Variants in ZFAND3 observed in about 807,000 individuals in gnomAD.
ZFAND3 encodes the protein AN1-type zinc finger protein 3.
A neutral mutation model predicts 29.6 loss-of-function variants in ZFAND3; 10 were observed. The observed-to-expected ratio is 0.34, with a 90% CI of 0.21 to 0.57. The LOEUF (loss-of-function observed/expected upper bound fraction) is 0.57, where lower values mean the gene tolerates loss of function less well. Among genes scored for constraint, ZFAND3 ranks in the 20% least tolerant of loss-of-function variants. The probability of loss-of-function intolerance (pLI) is 0.86; values close to 1 mark genes in which losing one functional copy is unlikely to be tolerated. For synonymous variants in ZFAND3, 128 were observed against 112.6 expected (o/e 1.14, Z -0.87); for missense variants, 230 against 304.5 (o/e 0.76, Z 1.82).
At chr6:38,047,321 A>T (rs911667784) in intron 2 of ZFAND3, among the ~76,000 whole-genome samples, 1 of 150,730 alleles carries the variant, frequency 6.6e-6, no homozygotes, top group African/African-American at 2.4e-5. Context: ...TCTCAAAAAA[A>T]AAAAAAAGAA....
chr6:38,042,815 T>G (rs1399966571), intron 2 of ZFAND3, among the ~76,000 whole-genome samples: 1 of 152,196 alleles, frequency 6.6e-6, no homozygotes, highest in Admixed American at 6.5e-5. Flanking sequence ...AAATAGATCA[T>G]TTATATTAAG....
At chr6:37,939,619 A>G (rs1360385819) in intron 2 of ZFAND3, among the ~76,000 whole-genome samples, 14 of 152,178 alleles carry the variant, frequency 9.2e-5, no homozygotes, top group Admixed American at 9.2e-4. Flanking sequence ...AGAGATGTGC[A>G]CTCAAATTTT....
chr6:38,152,901 T>G lies in ZFAND3; in HGVS notation c.*512T>G. 1 of 985,930 alleles carries G rather than the reference T, an allele frequency of 1.0e-6. No individual in the cohort carries two copies. The highest frequency in any genetic ancestry group is 1.2e-6 in the Non-Finnish European group (1 of 829,984). 61.1% of individuals were successfully genotyped at this position (985,930 alleles called of 1,614,324 possible). A position where few individuals can be genotyped will look rare whatever the true frequency, so the allele number is the denominator to read the frequency against. ...CTTGGCCACGGGAGGCTGCTGAGAT[T>G]GGCCACGTGGCTGGGCTGGGTGGTG... is the stretch of plus-strand genomic sequence containing the variant. On this transcript the variant is annotated 3_prime_UTR_variant, in exon 6 of 6. Transcript: ENST00000287218.
At chr6:37,851,379 G>A (rs1764277612) in intron 1 of ZFAND3, among the ~76,000 whole-genome samples, 1 of 151,846 alleles carries the variant, frequency 6.6e-6, no homozygotes, top group Admixed American at 6.6e-5. Flanking sequence ...AAATAGATCT[G>A]TTCATTTCAT....
At chr6:38,029,249 C>T (rs143772375) in intron 2 of ZFAND3, among the ~76,000 whole-genome samples, 70 of 152,242 alleles carry the variant, frequency 4.6e-4, no homozygotes, top group Non-Finnish European at 7.6e-4. Context: ...CAAACGAGTA[C>T]GGGTGGGTGG....
intron 2 of ZFAND3, among the ~76,000 whole-genome samples, chr6:38,054,337 T>C (rs1764091879): frequency 6.7e-6 from 1 of 148,986 alleles, no homozygotes; most frequent in South Asian, 2.1e-4. Context: ...GAGGCTGCAG[T>C]GAGCCATGTG....
chr6:37,957,494 G>A (rs545641594), intron 2 of ZFAND3, among the ~76,000 whole-genome samples: 16 of 152,032 alleles, frequency 1.1e-4, no homozygotes, highest in African/African-American at 3.9e-4. Flanking sequence ...CTTTCAACAT[G>A]TATACATGTA....
At chr6:37,840,634 A>G (rs1352070285) in intron 1 of ZFAND3, among the ~76,000 whole-genome samples, 1 of 152,232 alleles carries the variant, frequency 6.6e-6, no homozygotes, top group Non-Finnish European at 1.5e-5. Flanking sequence ...GGAGTTTGGT[A>G]GGGGTTGCAT....
intron 1 of ZFAND3, among the ~76,000 whole-genome samples, chr6:37,839,186 C>CTT (rs398110036): frequency 0.014 from 1,998 of 147,094 alleles, 53 homozygotes; most frequent in African/African-American, 0.045. Flanking sequence ...TGTAAAATTT[C>CTT]TTTTTTTTTT....
intron 1 of ZFAND3, among the ~76,000 whole-genome samples, chr6:37,828,363 G>A (rs146847158): frequency 6.6e-6 from 1 of 152,340 alleles, no homozygotes; most frequent in Non-Finnish European, 1.5e-5. Flanking sequence ...TGCTTTGAAA[G>A]CTTTTATCTA....
At chr6:37,994,403 T>C (rs919771698) in intron 2 of ZFAND3, among the ~76,000 whole-genome samples, 1 of 152,216 alleles carries the variant, frequency 6.6e-6, no homozygotes, top group Non-Finnish European at 1.5e-5. Flanking sequence ...CTGAAGCAGT[T>C]CTTAAGTGTC....
intron 5 of ZFAND3, among the ~76,000 whole-genome samples, chr6:38,119,984 G>A (rs896404641): frequency 2.6e-5 from 4 of 152,096 alleles, no homozygotes; most frequent in African/African-American, 9.7e-5. Context: ...CAATACCAAA[G>A]TAACACCCTT....
chr6:38,104,155 ATT>A (rs993988340), intron 4 of ZFAND3, among the ~76,000 whole-genome samples: 1 of 152,182 alleles, frequency 6.6e-6, no homozygotes, highest in African/African-American at 2.4e-5. Flanking sequence ...TCTTTGAGGA[ATT>A]TAGCTCCTGG....
intron 1 of ZFAND3, among the ~76,000 whole-genome samples, chr6:37,886,033 T>C (rs1764983184): frequency 6.6e-6 from 1 of 151,164 alleles, no homozygotes; most frequent in South Asian, 2.1e-4. Flanking sequence ...AGGTCAGGAG[T>C]TCGAGACCAG....
rs1019216943 is a variant in ZFAND3, at chr6:38,034,914, A to G, written c.113-26679A>G. Among the ~76,000 whole-genome samples the G allele has an allele frequency of 7.2e-5, 11 of 152,282 alleles. 1 individual carries two copies. Among genetic ancestry groups the G allele is most frequent in the Admixed American group, 3.3e-4 (5 of 15,298 alleles). ...ATTTTTATTTTTTCTAAGTATGGAA[A>G]TAGCAGCACATAAGAAGGTTCCTAT... On this transcript the variant is annotated intron_variant, in intron 2 of 5. Transcript: ENST00000287218.
chr6:38,063,643 A>G (rs1764285892), intron 3 of ZFAND3, among the ~76,000 whole-genome samples: 1 of 152,314 alleles, frequency 6.6e-6, no homozygotes, highest in Admixed American at 6.5e-5. Flanking sequence ...GTGGAAGGAA[A>G]GCTGCATGGA....
intron 1 of ZFAND3, among the ~76,000 whole-genome samples, chr6:37,847,790 G>A (rs192586581): frequency 2.0e-5 from 3 of 152,294 alleles, no homozygotes; most frequent in East Asian, 1.9e-4. Flanking sequence ...ATGATGTTAC[G>A]TTTTTAAAGC....
At chr6:37,826,879 C>T (rs1040827115) in intron 1 of ZFAND3, among the ~76,000 whole-genome samples, 8 of 152,104 alleles carry the variant, frequency 5.3e-5, no homozygotes, top group Non-Finnish European at 1.0e-4. Flanking sequence ...AATGTGGTTT[C>T]TCAGTCACAG....
At chr6:38,104,779 G>A (rs1765175165) in intron 4 of ZFAND3, among the ~76,000 whole-genome samples, 1 of 152,120 alleles carries the variant, frequency 6.6e-6, no homozygotes, top group South Asian at 2.1e-4. Flanking sequence ...TGAAATAGAG[G>A]AGCTTGTTTT....
Sources: allele counts gnomAD v4.1 joint callset (sites outside exome capture counted in the v4.1 genomes callset), GRCh38; gene constraint gnomAD v4.1.1; transcripts MANE v1.5; gene names NCBI Gene and HGNC (gene_info 2026-07-23, HGNC 2026-07-21).